COX15: variants seen among roughly 807,000 people sequenced by gnomAD.
COX15 encodes heme A synthase COX15.
Under a neutral mutation model 51.9 loss-of-function variants are expected in COX15, and 51 were observed. The observed-to-expected ratio is 0.98, with a 90% confidence interval of 0.78 to 1.24. COX15 has a LOEUF of 1.24. COX15 is among the 50% of genes most tolerant of loss of function. The pLI is 0.00. For missense variants in COX15, 420 were observed against 501.1 expected, an observed-to-expected ratio of 0.84 and a Z score of 1.55; for synonymous variants, 188 against 190.5, an observed-to-expected ratio of 0.99 and a Z score of 0.11.
At chr10:99,707,650 CTT>C (rs1349343748), downstream of COX15, among the ~76,000 whole-genome samples, 3 of 152,162 alleles carry the variant, frequency 2.0e-5, no homozygotes, top group African/African-American at 7.2e-5. Context: ...TTTTAGGACT[CTT>C]GTTATTACTG....
intron 7 of COX15, 108 bp from the exon 8 acceptor site, chr10:99,716,569 T>TA (rs2133577247): frequency 1.3e-6 from 1 of 754,510 alleles, no homozygotes; most frequent in East Asian, 2.7e-5. Context: ...TACTTTCCTG[T>TA]ACCAGTCACA....
intron 2 of COX15, among the ~76,000 whole-genome samples, chr10:99,728,795 G>C (rs2037042640): frequency 6.6e-6 from 1 of 152,144 alleles, no homozygotes; most frequent in Non-Finnish European, 1.5e-5. Context: ...CATAACCATA[G>C]GACAAATGAC....
At chr10:99,701,026 C>A in the COX15 span, 34 of 1,613,994 alleles carry the variant, frequency 2.1e-5, no homozygotes, top group African/African-American at 4.3e-4. Flanking sequence ...AGAATGGCCT[C>A]TTTTCATCAC....
At chr10:99,698,521 G>A in the COX15 span, 1 of 1,599,500 alleles carries the variant, frequency 6.3e-7, no homozygotes, top group East Asian at 2.2e-5. Context: ...GTTTGTTTTT[G>A]TCATTGTGGC....
At position 99,723,950 on chromosome 10, in the gene COX15, T is replaced by C. The variant is rs1429731577; in HGVS notation, c.750+6A>G. The C allele has an allele frequency of 4.3e-6, 7 of 1,613,454 alleles. No homozygotes were observed. The highest frequency in any genetic ancestry group is 5.9e-6 in the Non-Finnish European group (7 of 1,179,980). On this transcript the variant is annotated splice_donor_region_variant and intron_variant, in intron 5 of 8. Transcript: ENST00000016171. Reference sequence around the variant, plus strand: ...TTGAACACAGATATTTGCACACAACTCTTACCTTGTGCGGAGGGAGTAGCA... The same window carrying C: ...TTGAACACAGATATTTGCACACAACCCTTACCTTGTGCGGAGGGAGTAGCA...
the COX15 span, among the ~76,000 whole-genome samples, chr10:99,695,780 AGTGCAGTCTT>A: frequency 7.2e-5 from 11 of 152,212 alleles, no homozygotes; most frequent in African/African-American, 2.7e-4. Context: ...TGTACCTTTT[AGTGCAGTCTT>A]GTCATTTTGT....
intron 3 of COX15, 95 bp downstream of exon 3, chr10:99,727,346 A>C (rs1564650055): frequency 6.4e-7 from 1 of 1,558,756 alleles, no homozygotes; most frequent in Non-Finnish European, 8.8e-7. Flanking sequence ...AACTGAACCG[A>C]AGTTCATGAA....
chr10:99,695,531 A>G, the COX15 span, among the ~76,000 whole-genome samples: 1 of 151,836 alleles, frequency 6.6e-6, no homozygotes, highest in Non-Finnish European at 1.5e-5. Context: ...AAAAAAAAAA[A>G]GAAAAGAAAA....
At chr10:99,701,208 T>C in the COX15 span, 1 of 685,858 alleles carries the variant, frequency 1.5e-6, no homozygotes, top group African/African-American at 1.8e-5. Context: ...GGGGCCAAAA[T>C]AGTGAGCCTA....
intron 6 of COX15, among the ~76,000 whole-genome samples, chr10:99,718,843 G>C (rs77983791): frequency 0.02 from 2,990 of 152,202 alleles, 81 homozygotes; most frequent in African/African-American, 0.068. Flanking sequence ...GAGTGCTACT[G>C]ATTTATTTTA....
chr10:99,715,488 T>C (rs1003801377), intron 8 of COX15, among the ~76,000 whole-genome samples: 1 of 141,364 alleles, frequency 7.1e-6, no homozygotes, highest in African/African-American at 2.6e-5. Context: ...CTATCACAAT[T>C]CTATGATGAA....
At chr10:99,698,603 C>T in the COX15 span, 1 of 1,614,126 alleles carries the variant, frequency 6.2e-7, no homozygotes, top group African/African-American at 1.3e-5. Context: ...CAGTGGGACT[C>T]ACAGATGTGG....
At chr10:99,725,559 CTTTA>C (rs746026741) in intron 4 of COX15, among the ~76,000 whole-genome samples, 70 of 152,156 alleles carry the variant, frequency 4.6e-4, no homozygotes, top group Non-Finnish European at 8.2e-4. Context: ...TCCCTTCTTT[CTTTA>C]TTTATTTTTT....
In COX15 at chr10:99,713,988, A is replaced by G. The variant is rs2036485791; in HGVS notation, c.*599T>C. 1.0e-6 allele frequency: 1 copy of G among 998,620 alleles called. No individual in the cohort carries two copies. The highest frequency in any genetic ancestry group is 1.1e-4 in the East Asian group (1 of 9,480). 61.9% of individuals were successfully genotyped at this position (998,620 alleles called of 1,614,324 possible). On this transcript the variant is annotated 3_prime_UTR_variant, in exon 9 of 9. Transcript: ENST00000016171. ...CTCTGTCTCAAAAAAAAAAAAAAAA[A>G]TGGAACTATTTGGCGATTACCTCCT...
chr10:99,711,873 T>A lies in COX15; in HGVS notation c.*2714A>T. ...TAGAAAGAAAAGAGGTTTATTTGGCTCACTGTTCTGCATAGAACTGTATAG... is the reference window on the plus strand; with the variant it reads ...TAGAAAGAAAAGAGGTTTATTTGGCACACTGTTCTGCATAGAACTGTATAG... On this transcript the variant is annotated 3_prime_UTR_variant, in exon 9 of 9. Coordinates refer to ENST00000016171, the MANE Select transcript of COX15 (RefSeq NM_078470.6). 1.0e-6 allele frequency: 1 copy of A among 962,112 alleles called. No homozygotes were observed. The highest frequency in any genetic ancestry group is 1.2e-6 in the Non-Finnish European group (1 of 808,688). The allele number at this position is 962,112 out of a possible 1,614,324, so 59.6% of individuals were successfully genotyped here. A position where few individuals can be genotyped will look rare whatever the true frequency, so the allele number is the denominator to read the frequency against.
chr10:99,731,500 C>T (rs1163062137), intron 1 of COX15, among the ~76,000 whole-genome samples: 1 of 152,166 alleles, frequency 6.6e-6, no homozygotes, highest in Non-Finnish European at 1.5e-5. Context: ...GATCCATGCT[C>T]GGTTTCCTAT....
chr10:99,713,412 A>T lies in COX15; in HGVS notation c.*1175T>A, dbSNP rs776825933. ...GCAATATTGGGTTGCTCCATCCTCA[A>T]ATCAGATGTTTCTGATGCCTTCATC... On this transcript the variant is annotated 3_prime_UTR_variant, in exon 9 of 9. Transcript: ENST00000016171. 21 of 1,613,874 alleles carry T rather than the reference A, an allele frequency of 1.3e-5. No homozygotes were observed. The highest frequency in any genetic ancestry group is 1.8e-5 in the Non-Finnish European group (21 of 1,180,002).
the COX15 span, among the ~76,000 whole-genome samples, chr10:99,701,666 C>T: frequency 6.6e-6 from 1 of 151,938 alleles, no homozygotes; most frequent in Non-Finnish European, 1.5e-5. Context: ...CAACATAAAC[C>T]CTCATGTAAC....
rs758154482 is a variant in COX15 at position 99,713,483 on chromosome 10, T to C, written c.*1104A>G. The C allele has an allele frequency of 5.0e-6, 8 of 1,612,170 alleles. No homozygotes were observed. Among genetic ancestry groups the C allele is most frequent in the East Asian group, 4.5e-5 (2 of 44,806 alleles). ...TAAAGTTGAATAAGACAGGGCCCTA[T>C]GAAATATCAATAGAGACCAAAATCA... On this transcript the variant is annotated 3_prime_UTR_variant, in exon 9 of 9. Transcript: ENST00000016171.
Sources: allele counts gnomAD v4.1 joint callset (sites outside exome capture counted in the v4.1 genomes callset), GRCh38; gene constraint gnomAD v4.1.1; transcripts MANE v1.5; gene names NCBI Gene and HGNC (gene_info 2026-07-23, HGNC 2026-07-21).